The following EEF1B2 variants were observed in gnomAD, a reference collection of about 807,000 sequenced individuals.
EEF1B2 encodes the protein elongation factor 1-beta.
In EEF1B2, 12 loss-of-function variants were observed where a neutral mutation model predicts 28.3. The ratio of observed to expected loss-of-function variants is 0.42; its 90% CI spans 0.27 to 0.69. The LOEUF (loss-of-function observed/expected upper bound fraction) is 0.69. EEF1B2 is among the 30% of genes least tolerant of loss of function. EEF1B2 has a pLI of 0.22. For synonymous variants in EEF1B2, 83 were observed against 99.9 expected (o/e 0.83, Z 1.01); for missense variants, 234 against 272.6 (o/e 0.86, Z 1.00).
chr2:206,161,557 T>C (rs1576015871), intron 3 of EEF1B2, 85 bp downstream of exon 3: 1 of 1,566,994 alleles, frequency 6.4e-7, no homozygotes, highest in South Asian at 1.1e-5. Flanking sequence ...CTGAGGCGGG[T>C]GGATCACGAG....
Position 206,162,886 on chromosome 2 carries a change from T to C in EEF1B2, c.*3T>C. The C allele has an allele frequency of 6.3e-7, 1 of 1,594,286 alleles. No individual in the cohort carries two copies. Among genetic ancestry groups the C allele is most frequent in the Non-Finnish European group, 8.5e-7 (1 of 1,178,256 alleles). On this transcript the variant is annotated 3_prime_UTR_variant, in exon 6 of 6. Transcript: ENST00000392222. Reference sequence around the variant, plus strand: ...TGGCTGCTTTCAACAAGATCTAAAATCCATCCTGGATCATGGCATTTAAAT... The same window carrying C: ...TGGCTGCTTTCAACAAGATCTAAAACCCATCCTGGATCATGGCATTTAAAT...
chr2:206,161,564 C>CGA, intron 3 of EEF1B2, 92 bp downstream of exon 3: 2 of 1,547,670 alleles, frequency 1.3e-6, no homozygotes, highest in Non-Finnish European at 1.8e-6. Context: ...GGGTGGATCA[C>CGA]GAGGTCAGGA....
upstream of EEF1B2, chr2:206,159,743 A>G (rs950094345): frequency 4.1e-5 from 20 of 491,416 alleles, no homozygotes; most frequent in Non-Finnish European, 6.3e-5. Context: ...CGAAAGGTCC[A>G]TGGACAATTT....
chr2:206,159,734 G>C (rs547035518), upstream of EEF1B2: 6 of 418,690 alleles, frequency 1.4e-5, no homozygotes, highest in Non-Finnish European at 2.6e-5. Flanking sequence ...CAAACGCAAC[G>C]AAAGGTCCAT....
upstream of EEF1B2, chr2:206,159,855 C>T: frequency 1.3e-5 from 14 of 1,088,862 alleles, no homozygotes; most frequent in South Asian, 1.8e-4. Flanking sequence ...GAGGGAAACG[C>T]CTCCGTCTCT....
chr2:206,162,675 C>A, intron 5 of EEF1B2, 54 bp from the exon 6 acceptor site: 1 of 1,561,726 alleles, frequency 6.4e-7, no homozygotes, highest in Admixed American at 1.8e-5. Context: ...CCTACAGTTT[C>A]AACCTTTCCT....
intron 3 of EEF1B2, 89 bp downstream of exon 3, chr2:206,161,561 T>A: frequency 6.4e-7 from 1 of 1,558,412 alleles, no homozygotes; most frequent in Non-Finnish European, 8.7e-7. Flanking sequence ...GGCGGGTGGA[T>A]CACGAGGTCA....
chr2:206,159,702 G>T (rs965915707), upstream of EEF1B2: 1 of 335,852 alleles, frequency 3.0e-6, no homozygotes, highest in East Asian at 5.3e-5. Context: ...CTTAAGACAT[G>T]CCTATTTTAT....
intron 1 of EEF1B2, among the ~76,000 whole-genome samples, chr2:206,160,292 T>C (rs1168101444): frequency 6.6e-6 from 1 of 152,212 alleles, no homozygotes; most frequent in African/African-American, 2.4e-5. Flanking sequence ...TTATTTACAC[T>C]TAATTCAGCC....
At position 206,160,005 on chromosome 2, in the gene EEF1B2, C is replaced by T. The variant is rs370193509; in HGVS notation, c.26C>T (p.Pro9Leu). The change falls in exon 1 of 6, where the codon CCT (proline) becomes CTT (leucine). Residue 9 changes from proline to leucine, a missense_variant. Physicochemically the swap from Pro to Leu is moderately conservative, Grantham distance 98. Around this residue, in one of 2 missense-constraint regions of EEF1B2, gnomAD observed 178 missense variants for 173.3 expected, o/e 1.03. Coordinates refer to ENST00000392222, the MANE Select transcript of EEF1B2 (RefSeq NM_001959.4). ...ATGGGTTTCGGAGACCTGAAAAGCC[C>T]TGCCGGCCTCCAGGTGCTCAACGAT... MGFGDLKS[P>L]AGLQVLNDYL... 6.2e-7 allele frequency: 1 copy of T among 1,613,324 alleles called. No individual in the cohort carries two copies. Among genetic ancestry groups the T allele is most frequent in the East Asian group, 2.2e-5 (1 of 44,804 alleles).
rs374517025 is a variant in EEF1B2 at position 206,162,341 on chromosome 2, A to G, written c.398-148A>G. ...TCTTAGCAAAACAGAAAGTGGGTATATATGTGTGACAGACACAAGATGTAT... is the reference window on the plus strand; with the variant it reads ...TCTTAGCAAAACAGAAAGTGGGTATGTATGTGTGACAGACACAAGATGTAT... On this transcript the variant is annotated intron_variant, in intron 4 of 5. Transcript: ENST00000392222. The G allele has an allele frequency of 2.2e-4, 289 of 1,335,128 alleles. No homozygotes were observed. In the Middle Eastern group the frequency reaches 2.3e-3, roughly 11 times the overall value. The allele number at this position is 1,335,128 out of a possible 1,614,324, so 82.7% of individuals were successfully genotyped here.
chr2:206,161,947 G>T, intron 3 of EEF1B2, 91 bp from the exon 4 acceptor site: 1 of 1,118,622 alleles, frequency 8.9e-7, no homozygotes, highest in South Asian at 1.2e-5. Flanking sequence ...GCTTTTTTCT[G>T]ATTAAGCCAG....
In EEF1B2 at chr2:206,161,721, G is replaced by C. The variant is rs1057092077; in HGVS notation, c.330+249G>C. On this transcript the variant is annotated intron_variant, in intron 3 of 5. Transcript: ENST00000392222. ...GGAAGCGGAGGTTGCAGTGAGCCAAGATCGTGCCACTGCATCCAGCCTGGG... is the reference window on the plus strand; with the variant it reads ...GGAAGCGGAGGTTGCAGTGAGCCAACATCGTGCCACTGCATCCAGCCTGGG... 4.1e-5 allele frequency: 22 copies of C among 531,488 alleles called. 1 individual carries two copies. The highest frequency in any genetic ancestry group is 4.1e-4 in the African/African-American group (21 of 51,208). The allele number at this position is 531,488 out of a possible 1,614,324, so 32.9% of individuals were successfully genotyped here.
chr2:206,162,696 T>G, intron 5 of EEF1B2, 33 bp from the exon 6 acceptor site: 2 of 1,612,126 alleles, frequency 1.2e-6, no homozygotes, highest in Non-Finnish European at 1.7e-6. Flanking sequence ...ACAAGACTTT[T>G]CTAACTAGGA....
At chr2:206,161,164 C>G in intron 2 of EEF1B2, 182 bp from the exon 3 acceptor site, 1 of 705,240 alleles carries the variant, frequency 1.4e-6, no homozygotes, top group Non-Finnish European at 2.3e-6. Context: ...TCACATGGTA[C>G]TAATGCTTGT....
At chr2:206,161,501 G>A (rs903204004) in intron 3 of EEF1B2, 29 bp downstream of exon 3, 2 of 1,611,254 alleles carry the variant, frequency 1.2e-6, no homozygotes, top group Non-Finnish European at 1.7e-6. Context: ...AGAACATATC[G>A]GCCAGGCGCA....
rs772016137 is a variant in EEF1B2 at position 206,160,727 on chromosome 2, A to G, written c.203+17A>G. 3.1e-6 allele frequency: 5 copies of G among 1,614,020 alleles called. No homozygotes were observed. The highest frequency in any genetic ancestry group is 1.7e-5 in the Admixed American group (1 of 60,002). ...AAAGGCCAGGTAAAATCATCTTTGT[A>G]TAGAGCTGAAGAATAAGACTGCTCT... On this transcript the variant is annotated intron_variant, in intron 2 of 5. Transcript: ENST00000392222.
intron 2 of EEF1B2, chr2:206,161,088 A>G (rs1285611217): frequency 1.7e-6 from 1 of 572,090 alleles, no homozygotes; most frequent in Admixed American, 3.0e-5. Flanking sequence ...AGCATACTTA[A>G]TGAAATCTCA....
rs768792129 is a variant in EEF1B2, at chr2:206,161,435, A to G, written c.293A>G (p.Asp98Gly). Residue 98 changes from aspartate to glycine, a missense_variant, in exon 3 of 6, where the codon GAT (aspartate) becomes GGT (glycine). Physicochemically the swap from Asp to Gly is moderately conservative, Grantham distance 94. This residue lies in a region of EEF1B2 where 178 missense variants were observed against 173.3 expected (regional missense o/e 1.03). Coordinates refer to ENST00000392222, the MANE Select transcript of EEF1B2 (RefSeq NM_001959.4). ...TGSGATDSKD[D>G]DDIDLFGSDD... ...AGTGGAGCTACAGATAGTAAAGATG[A>G]TGATGACATTGACCTCTTTGGATCT... The G allele has an allele frequency of 5.6e-6, 9 of 1,613,978 alleles. No homozygotes were observed. Among genetic ancestry groups the G allele is most frequent in the Admixed American group, 1.7e-5 (1 of 60,010 alleles).
Sources: gnomAD v4.1 joint callset for allele counts (sites outside exome capture counted in the v4.1 genomes callset) on GRCh38, gnomAD v4.1.1 for gene constraint, gnomAD v4.1.1 regional missense constraint, MANE v1.5 for transcripts, NCBI Gene and HGNC (gene_info 2026-07-23, HGNC 2026-07-21) for gene names.